The following SLC9A8 variants were observed in gnomAD, a reference collection of about 807,000 sequenced individuals.
SLC9A8 encodes sodium/hydrogen exchanger 8.
In SLC9A8, 48 loss-of-function variants were observed where a neutral mutation model predicts 66.6. That is an observed-to-expected ratio of 0.72 (90% CI 0.57 to 0.92). SLC9A8 has a LOEUF of 0.92. Ranked by LOEUF, SLC9A8 falls within the 40% of genes least tolerant of loss-of-function variation. The probability of loss-of-function intolerance (pLI) is 0.00; values close to 1 mark genes in which losing one functional copy is unlikely to be tolerated. For missense variants in SLC9A8, 599 were observed against 747.3 expected, an observed-to-expected ratio of 0.80 and a Z score of 2.31; for synonymous variants, 274 against 282.6, an observed-to-expected ratio of 0.97 and a Z score of 0.31.
intron 5 of SLC9A8, among the ~76,000 whole-genome samples, chr20:49,846,682 G>A (rs626943): frequency 0.35 from 52,582 of 151,922 alleles, 10,007 homozygotes; most frequent in South Asian, 0.57. Context: ...GAGAGGCCGA[G>A]GTGGGTGGAT....
chr20:49,862,706 G>A (rs930089371), intron 8 of SLC9A8, among the ~76,000 whole-genome samples: 11 of 152,280 alleles, frequency 7.2e-5, no homozygotes, highest in African/African-American at 2.6e-4. Flanking sequence ...AGCCTGAGGG[G>A]AGGAGCTCCT....
At chr20:49,875,288 AAAAG>A (rs1049174435) in intron 11 of SLC9A8, among the ~76,000 whole-genome samples, 57 of 151,988 alleles carry the variant, frequency 3.8e-4, no homozygotes, top group South Asian at 6.2e-4. Context: ...AAAAAAAAAA[AAAAG>A]AAAGAAAGAA....
At chr20:49,868,379 C>T (rs886959095) in intron 10 of SLC9A8, among the ~76,000 whole-genome samples, 2 of 152,150 alleles carry the variant, frequency 1.3e-5, no homozygotes, top group Non-Finnish European at 2.9e-5. Context: ...GTATTTGTCA[C>T]GCAGGGTTTT....
Position 49,884,199 on chromosome 20 carries a change from GACACACACAC to G in SLC9A8, c.1491+166_1491+175del, listed in dbSNP as rs370760616. ...GGATGCCCAGCACCTCCACACACAC[GACACACACAC>G]ACACACACACACACACACACACACA... On this transcript the variant is annotated intron_variant, in intron 14 of 15. Transcript: ENST00000361573. The G allele has an allele frequency of 2.0e-3, 564 of 288,490 alleles. 1 individual carries two copies. The highest frequency in any genetic ancestry group is 2.5e-3 in the Admixed American group (53 of 20,996). 17.9% of individuals were successfully genotyped at this position (288,490 alleles called of 1,614,324 possible).
chr20:49,886,588 C>T lies in SLC9A8; in HGVS notation c.1492-164C>T. ...TGCCCTGATGGACGTTCCTGCCTCC[C>T]TGCAGGCTCCCAGGAGGCCGTCTGC... On this transcript the variant is annotated intron_variant, in intron 14 of 15. Coordinates refer to ENST00000361573, the MANE Select transcript of SLC9A8 (RefSeq NM_015266.3). The surrounding 1 kb of genome is among the most constrained non-coding windows in gnomAD (Gnocchi z 4.8). 1 of 756,716 alleles carries T rather than the reference C, an allele frequency of 1.3e-6. No homozygotes were observed. The highest frequency in any genetic ancestry group is 2.1e-6 in the Non-Finnish European group (1 of 478,278). 46.9% of individuals were successfully genotyped at this position (756,716 alleles called of 1,614,324 possible).
intron 3 of SLC9A8, among the ~76,000 whole-genome samples, chr20:49,828,272 G>A (rs1367132262): frequency 6.6e-6 from 1 of 151,634 alleles, no homozygotes; most frequent in Non-Finnish European, 1.5e-5. Flanking sequence ...AGTAGAAACA[G>A]GGTTTCACCA....
chr20:49,869,596 G>A (rs2146700951), intron 10 of SLC9A8, among the ~76,000 whole-genome samples: 1 of 151,732 alleles, frequency 6.6e-6, no homozygotes, highest in African/African-American at 2.4e-5. Context: ...CACTTTGGGA[G>A]GCCAAGGCAG....
chr20:49,830,794 C>A, intron 3 of SLC9A8: 1 of 972,952 alleles, frequency 1.0e-6, no homozygotes, highest in Non-Finnish European at 1.7e-6. Context: ...GAGGTGCTGA[C>A]CCTGGCCTAG....
intron 8 of SLC9A8, among the ~76,000 whole-genome samples, chr20:49,856,516 AT>A (rs1382895152): frequency 6.6e-6 from 1 of 152,178 alleles, no homozygotes; most frequent in Non-Finnish European, 1.5e-5. Context: ...AAGATGAATA[AT>A]AAAATGTCAA....
At chr20:49,881,913 A>AG (rs1470573318) in intron 13 of SLC9A8, among the ~76,000 whole-genome samples, 4 of 152,074 alleles carry the variant, frequency 2.6e-5, no homozygotes, top group African/African-American at 9.7e-5. Context: ...CTATTTGGGA[A>AG]GGGGGGCATG....
At chr20:49,834,214 T>TATATATACAC (rs1479055075) in intron 3 of SLC9A8, among the ~76,000 whole-genome samples, 37 of 112,140 alleles carry the variant, frequency 3.3e-4, no homozygotes, top group African/African-American at 1.2e-3. Flanking sequence ...TATATATATA[T>TATATATACAC]ACACACACAC....
rs116714738 is a variant in SLC9A8, at chr20:49,835,596, A to G, written c.290-3945A>G. 3.9e-3 allele frequency among the ~76,000 whole-genome samples: 597 copies of G among 152,174 alleles called. 5 individuals are homozygous for G. The highest frequency in any genetic ancestry group is 0.013 in the African/African-American group (558 of 41,494). ...TTTGCCTGTCCTGGACATTTCGTATAAAGAAATAGAATCATACAATCGGTG... is the reference window on the plus strand; with the variant it reads ...TTTGCCTGTCCTGGACATTTCGTATGAAGAAATAGAATCATACAATCGGTG... On this transcript the variant is annotated intron_variant, in intron 3 of 15. Transcript: ENST00000361573.
At chr20:49,866,242 G>A (rs556849907) in intron 10 of SLC9A8, among the ~76,000 whole-genome samples, 7 of 152,266 alleles carry the variant, frequency 4.6e-5, no homozygotes, top group Admixed American at 2.0e-4. Flanking sequence ...AGAGACATCC[G>A]TGTTTTTGCG....
chr20:49,831,402 ACT>A (rs11469884), intron 3 of SLC9A8, among the ~76,000 whole-genome samples: 6,453 of 141,978 alleles, frequency 0.045, 324 homozygotes, highest in East Asian at 0.3. Context: ...ACACACACAC[ACT>A]CTCTCTCTCT....
intron 5 of SLC9A8, among the ~76,000 whole-genome samples, chr20:49,845,596 C>T (rs1731098267): frequency 6.6e-6 from 1 of 152,158 alleles, no homozygotes; most frequent in Admixed American, 6.5e-5. Context: ...CCCCTGGCCT[C>T]AGACCCCAGC....
chr20:49,840,309 A>G (rs779946387), intron 4 of SLC9A8, among the ~76,000 whole-genome samples: 3 of 152,228 alleles, frequency 2.0e-5, no homozygotes, highest in Admixed American at 6.5e-5. Context: ...TGGAATTTCA[A>G]CATAAACTTG....
chr20:49,850,639 A>C, intron 6 of SLC9A8, 171 bp from the exon 7 acceptor site: 4 of 638,144 alleles, frequency 6.3e-6, no homozygotes, highest in Non-Finnish European at 1.0e-5. Context: ...ATGCCGATGG[A>C]ATGCATGTTT....
At position 49,886,902 on chromosome 20, in the gene SLC9A8, G is replaced by A. The variant is rs758258396; in HGVS notation, c.1638+4G>A. 3 of 1,613,068 alleles carry A rather than the reference G, an allele frequency of 1.9e-6. No homozygotes were observed. The South Asian group carries it at 3.3e-5, about 18-fold the overall frequency. ...CACTCGGAGGCTGACGCAGGAGGTG[G>A]GATACCGGCCAGGCCACACTTTCTG... is the stretch of plus-strand genomic sequence containing the variant. On this transcript the variant is annotated splice_donor_region_variant and intron_variant, in intron 15 of 15. Coordinates refer to ENST00000361573, the MANE Select transcript of SLC9A8 (RefSeq NM_015266.3). This position sits in a 1 kb window ranked among gnomAD's most constrained non-coding sequence, Gnocchi z 4.8.
At chr20:49,872,644 C>T (rs2089258860) in intron 10 of SLC9A8, among the ~76,000 whole-genome samples, 1 of 152,114 alleles carries the variant, frequency 6.6e-6, no homozygotes, top group Non-Finnish European at 1.5e-5. Context: ...TGCCACCATG[C>T]CCAGCTAATT....
Sources: gnomAD v4.1 joint callset for allele counts (sites outside exome capture counted in the v4.1 genomes callset) on GRCh38, gnomAD v4.1.1 for gene constraint, Gnocchi (gnomAD v3.1) non-coding constraint, MANE v1.5 for transcripts, NCBI Gene and HGNC (gene_info 2026-07-23, HGNC 2026-07-21) for gene names.